Variants in RNASEH2B observed in about 807,000 individuals in gnomAD.
The protein encoded by RNASEH2B is ribonuclease H2 subunit B.
RNASEH2B carries 36 observed loss-of-function variants against 45.0 expected under a neutral mutation model. The observed-to-expected ratio is 0.80, with a 90% CI of 0.61 to 1.06. RNASEH2B has a LOEUF of 1.06. RNASEH2B is among the 50% of genes least tolerant of loss of function. RNASEH2B has a pLI of 0.00. For missense variants in RNASEH2B, 361 were observed against 360.3 expected (o/e 1.00, Z -0.02); for synonymous variants, 119 against 125.7 (o/e 0.95, Z 0.35).
intron 1 of RNASEH2B, among the ~76,000 whole-genome samples, chr13:50,913,778 G>A (rs1260189005): frequency 6.6e-6 from 1 of 152,170 alleles, no homozygotes; most frequent in African/African-American, 2.4e-5. Flanking sequence ...CTTTTTGGGA[G>A]ATAAGAATCC....
At chr13:50,943,957 A>G (rs1181219037) in intron 6 of RNASEH2B, among the ~76,000 whole-genome samples, 1 of 147,582 alleles carries the variant, frequency 6.8e-6, no homozygotes, top group African/African-American at 2.5e-5. Context: ...AACAACCAGT[A>G]TTTCTCTTGG....
At chr13:50,945,628 A>T in intron 7 of RNASEH2B, 96 bp downstream of exon 7, 1 of 812,960 alleles carries the variant, frequency 1.2e-6, no homozygotes, top group South Asian at 1.4e-5. Context: ...AATATCACAG[A>T]AGCCTCATAT....
chr13:50,928,477 T>C (rs1951631476), intron 2 of RNASEH2B: 1 of 152,222 alleles, frequency 6.6e-6, no homozygotes, highest in Non-Finnish European at 1.5e-5. Flanking sequence ...TAGGTAGCAG[T>C]AAAGGTTCTA....
intron 7 of RNASEH2B, 44 bp from the exon 8 acceptor site, chr13:50,947,943 C>A: frequency 6.3e-7 from 1 of 1,598,672 alleles, no homozygotes; most frequent in Non-Finnish European, 8.5e-7. Context: ...ACCATAATTA[C>A]TATTTTTTTT....
At chr13:50,947,030 A>G (rs1951908901) in intron 7 of RNASEH2B, among the ~76,000 whole-genome samples, 2 of 152,174 alleles carry the variant, frequency 1.3e-5, no homozygotes, top group South Asian at 4.1e-4. Context: ...CCCAGACGGC[A>G]GTCATTTTCT....
intron 9 of RNASEH2B, among the ~76,000 whole-genome samples, chr13:50,965,497 G>C (rs1952156598): frequency 6.6e-6 from 1 of 152,196 alleles, no homozygotes; most frequent in African/African-American, 2.4e-5. Context: ...TTTGTTGCAT[G>C]AGAGAATTAA....
intron 4 of RNASEH2B, among the ~76,000 whole-genome samples, chr13:50,931,878 A>G (rs945886344): frequency 6.6e-6 from 1 of 152,022 alleles, no homozygotes; most frequent in African/African-American, 2.4e-5. Flanking sequence ...TGATTTTGTA[A>G]CATCATGCTT....
intron 8 of RNASEH2B, chr13:50,948,473 A>T (rs1951934283): frequency 1.2e-5 from 2 of 167,904 alleles, no homozygotes; most frequent in South Asian, 1.5e-4. Context: ...TTATCACTAG[A>T]TGTTCACTAA....
At chr13:50,939,929 C>A (rs1024275199) in intron 5 of RNASEH2B, among the ~76,000 whole-genome samples, 1 of 152,170 alleles carries the variant, frequency 6.6e-6, no homozygotes, top group African/African-American at 2.4e-5. Flanking sequence ...CAAAAGTATT[C>A]TCTTTTGTTT....
intron 1 of RNASEH2B, chr13:50,911,586 GTTATACTGAT>G (rs1593441685): frequency 6.6e-6 from 1 of 152,192 alleles, no homozygotes; most frequent in East Asian, 1.9e-4. Flanking sequence ...TTCCAAAGTG[GTTATACTGAT>G]TTATATTCCC....
intron 9 of RNASEH2B, among the ~76,000 whole-genome samples, chr13:50,966,552 T>C (rs1952166521): frequency 6.6e-6 from 1 of 152,126 alleles, no homozygotes; most frequent in Non-Finnish European, 1.5e-5. Flanking sequence ...GTTGCCAACA[T>C]TCTTTTTTAT....
At chr13:50,918,293 A>G (rs1428864942) in intron 1 of RNASEH2B, among the ~76,000 whole-genome samples, 3 of 152,020 alleles carry the variant, frequency 2.0e-5, no homozygotes, top group Non-Finnish European at 4.4e-5. Context: ...ACCCGCCACC[A>G]TGCCCAGCTA....
At position 50,927,347 on chromosome 13, in the gene RNASEH2B, T is replaced by A; in HGVS notation, c.65-60T>A. 5 of 999,080 alleles carry A rather than the reference T, an allele frequency of 5.0e-6. No individual in the cohort carries two copies. The South Asian group carries it at 6.4e-5, about 13-fold the overall frequency. The allele number at this position is 999,080 out of a possible 1,614,324, so 61.9% of individuals were successfully genotyped here. The stretch of plus-strand genomic sequence containing the variant: ...TAGAAGAAAGGAAAACAGGGTAAAG[T>A]AAGGTGAGCAACAAAACAGCTGTGT... On this transcript the variant is annotated intron_variant, in intron 1 of 10. Transcript: ENST00000336617.
intron 5 of RNASEH2B, chr13:50,942,940 C>G: frequency 4.6e-6 from 1 of 215,510 alleles, no homozygotes; most frequent in Admixed American, 5.5e-5. Context: ...ACAATGTAGT[C>G]TGGCTTGAGT....
intron 6 of RNASEH2B, among the ~76,000 whole-genome samples, chr13:50,944,050 G>A (rs531090425): frequency 3.3e-5 from 5 of 151,486 alleles, no homozygotes; most frequent in African/African-American, 4.8e-5. Context: ...GGGACGGGAC[G>A]GGATGGGATG....
At chr13:50,952,858 A>G (rs985963297) in intron 9 of RNASEH2B, 1 of 152,132 alleles carries the variant, frequency 6.6e-6, no homozygotes, top group African/African-American at 2.4e-5. Context: ...TATTCCCAGG[A>G]TGAGCCTCTG....
chr13:50,956,350 A>T lies in RNASEH2B; in HGVS notation c.823-8A>T. ...ATAACAATTTTTCTCTCTTATTTTCATTAACAGAAAAATAGCAAAATGACT... is the reference window on the plus strand; with the variant it reads ...ATAACAATTTTTCTCTCTTATTTTCTTTAACAGAAAAATAGCAAAATGACT... On this transcript the variant is annotated splice_region_variant and splice_polypyrimidine_tract_variant and intron_variant, in intron 10 of 10. Transcript: ENST00000336617. The T allele has an allele frequency of 6.3e-7, 1 of 1,585,182 alleles. No homozygotes were observed. Among genetic ancestry groups the T allele is most frequent in the Non-Finnish European group, 8.6e-7 (1 of 1,160,320 alleles).
intron 4 of RNASEH2B, 132 bp downstream of exon 4, chr13:50,930,891 A>G: frequency 1.3e-6 from 1 of 765,102 alleles, no homozygotes; most frequent in Non-Finnish European, 2.3e-6. Context: ...TAGAGAAAAC[A>G]TGAATCATAT....
chr13:50,947,766 G>A (rs1249542295), intron 7 of RNASEH2B, among the ~76,000 whole-genome samples: 4 of 151,714 alleles, frequency 2.6e-5, no homozygotes, highest in Admixed American at 2.0e-4. Flanking sequence ...TATATCTTTG[G>A]TATCATCACA....
Sources: allele counts gnomAD v4.1 joint callset (sites outside exome capture counted in the v4.1 genomes callset), GRCh38; gene constraint gnomAD v4.1.1; transcripts MANE v1.5; gene names NCBI Gene and HGNC (gene_info 2026-07-23, HGNC 2026-07-21).